The following ARPC5 variants were observed in gnomAD, a reference collection of about 807,000 sequenced individuals.
ARPC5 encodes the protein actin-related protein 2/3 complex subunit 5.
ARPC5 carries 5 observed loss-of-function variants against 15.4 expected under a neutral mutation model. The ratio of observed to expected loss-of-function variants is 0.32; its 90% CI spans 0.17 to 0.68. The LOEUF is 0.68. ARPC5 is among the 30% of genes least tolerant of loss of function. The pLI, the probability that ARPC5 is intolerant of heterozygous loss-of-function variation, is 0.71. For missense variants in ARPC5, 138 were observed against 192.8 expected, an observed-to-expected ratio of 0.72 and a Z score of 1.68; for synonymous variants, 85 against 72.2, an observed-to-expected ratio of 1.18 and a Z score of -0.90.
At position 183,635,740 on chromosome 1, in the gene ARPC5, G is replaced by A. The variant is rs1296132155; in HGVS notation, c.-81C>T. On this transcript the variant is annotated 5_prime_UTR_variant, in exon 1 of 4. Transcript: ENST00000359856. ...GCCCAGCCCAGCAACCCACTACCCGGCGCCTGATTCACTTCCCTCTTCCGC... is the reference window on the plus strand; with the variant it reads ...GCCCAGCCCAGCAACCCACTACCCGACGCCTGATTCACTTCCCTCTTCCGC... 6.5e-7 allele frequency: 1 copy of A among 1,537,354 alleles called. No individual in the cohort carries two copies. Among genetic ancestry groups the A allele is most frequent in the East Asian group, 2.4e-5 (1 of 42,200 alleles).
At chr1:183,632,723 T>C (rs1649302038) in intron 2 of ARPC5, 1 of 166,278 alleles carries the variant, frequency 6.0e-6, no homozygotes, top group African/African-American at 2.4e-5. Flanking sequence ...AATAAGTATT[T>C]AGTATTTGTA....
intron 1 of ARPC5, chr1:183,633,358 T>C (rs1164651091): frequency 4.9e-6 from 2 of 411,066 alleles, no homozygotes; most frequent in African/African-American, 4.2e-5. Context: ...TTTTTTTTAA[T>C]AAAGCAAAGA....
intron 2 of ARPC5, 56 bp from the exon 3 acceptor site, chr1:183,630,693 G>T: frequency 2.7e-6 from 4 of 1,507,424 alleles, no homozygotes; most frequent in Non-Finnish European, 2.7e-6. Flanking sequence ...GGAGGGTTTA[G>T]AATTTCAGAA....
rs778459708 is a variant in ARPC5, at chr1:183,635,526, C to G, written c.134G>C (p.Cys45Ser). 1 of 1,611,694 alleles carries G rather than the reference C, an allele frequency of 6.2e-7. No homozygotes were observed. The highest frequency in any genetic ancestry group is 1.1e-5 in the South Asian group (1 of 90,752). The stretch of plus-strand genomic sequence containing the variant: ...GTGAATGCAAGGATATTGCCGCAGG[C>G]AGGAGTCCACCTCGCCCTCGTCGGG... The part of the protein sequence containing the change: ...AGPDEGEVDS[C>S]LRQGNMTAAL... Residue 45 changes from cysteine to serine, a missense_variant, in exon 1 of 4, where the codon TGC becomes TCC. Around this residue, in one of 3 missense-constraint regions of ARPC5, gnomAD observed 121 missense variants for 153.7 expected, o/e 0.79. Coordinates refer to ENST00000359856, the MANE Select transcript of ARPC5 (RefSeq NM_005717.4).
chr1:183,630,358 A>G lies in ARPC5; in HGVS notation c.393+103T>C, dbSNP rs1302569149. 4.1e-6 allele frequency: 4 copies of G among 971,478 alleles called. No homozygotes were observed. In the South Asian group the frequency reaches 6.5e-5, roughly 16 times the overall value. 60.2% of individuals were successfully genotyped at this position (971,478 alleles called of 1,614,324 possible). A position where few individuals can be genotyped will look rare whatever the true frequency, so the allele number is the denominator to read the frequency against. ...TCATGCATTTTATTTGTAATAACAAAAATGTACAACAAATCAAAATGGTTA... is the reference window on the plus strand; with the variant it reads ...TCATGCATTTTATTTGTAATAACAAGAATGTACAACAAATCAAAATGGTTA... On this transcript the variant is annotated intron_variant, in intron 3 of 3. Transcript: ENST00000359856.
intron 3 of ARPC5, among the ~76,000 whole-genome samples, chr1:183,629,774 T>A (rs1649213690): frequency 6.6e-6 from 1 of 152,198 alleles, no homozygotes; most frequent in Admixed American, 6.5e-5. Context: ...AAGTGTAAAA[T>A]CCATTGGCAT....
At chr1:183,632,974 G>T in intron 2 of ARPC5, 108 bp downstream of exon 2, 1 of 866,832 alleles carries the variant, frequency 1.2e-6, no homozygotes, top group Non-Finnish European at 1.8e-6. Context: ...ACTCTTCTAT[G>T]TCAAAGATAG....
At chr1:183,627,922 C>T (rs1242459772) in intron 3 of ARPC5, among the ~76,000 whole-genome samples, 1 of 151,942 alleles carries the variant, frequency 6.6e-6, no homozygotes, top group Non-Finnish European at 1.5e-5. Context: ...GCCTGTAATC[C>T]CAGCACTTTG....
chr1:183,630,702 A>T (rs994984707), intron 2 of ARPC5, 65 bp from the exon 3 acceptor site: 6 of 1,464,702 alleles, frequency 4.1e-6, no homozygotes, highest in Non-Finnish European at 5.6e-6. Context: ...AGAATTTCAG[A>T]AAGTCTACAC....
Position 183,635,632 on chromosome 1 carries a change from G to A in ARPC5, c.28C>T (p.Arg10Cys). 1 of 1,613,306 alleles carries A rather than the reference G, an allele frequency of 6.2e-7. No homozygotes were observed. Among genetic ancestry groups the A allele is most frequent in the African/African-American group, 1.3e-5 (1 of 75,028 alleles). Residue 10 changes from arginine (R) to cysteine (C), a missense_variant, in exon 1 of 4, where the codon CGC becomes TGC. By Grantham distance (180) the Arg-to-Cys change is radical. This residue lies in a region of ARPC5 where 14 missense variants were observed against 16.2 expected (regional missense o/e 0.87). Coordinates refer to ENST00000359856, the MANE Select transcript of ARPC5 (RefSeq NM_005717.4). MSKNTVSSA[R>C]FRKVDVDEYD... ...TCATCCACGTCCACCTTCCGGAAGCGGGCCGACGACACTGTGTTCTTCGAC... is the reference window on the plus strand; with the variant it reads ...TCATCCACGTCCACCTTCCGGAAGCAGGCCGACGACACTGTGTTCTTCGAC...
At chr1:183,631,091 A>C (rs899484780) in intron 2 of ARPC5, 1 of 154,220 alleles carries the variant, frequency 6.5e-6, no homozygotes, top group African/African-American at 2.4e-5. Context: ...AAGCAGGGAG[A>C]GCAATTAGGA....
At chr1:183,628,858 G>C (rs868001084) in intron 3 of ARPC5, among the ~76,000 whole-genome samples, 4 of 152,294 alleles carry the variant, frequency 2.6e-5, no homozygotes, top group Middle Eastern at 3.4e-3. Flanking sequence ...AGCTAGACTT[G>C]GGAACTTTGA....
Position 183,624,997 on chromosome 1 carries a change from T to C in ARPC5, c.*2535A>G, listed in dbSNP as rs1649053316. 1 of 152,196 alleles carries C rather than the reference T, an allele frequency of 6.6e-6. No homozygotes were observed. Among genetic ancestry groups the C allele is most frequent in the Non-Finnish European group, 1.5e-5 (1 of 68,036 alleles). The allele number at this position is 152,196 out of a possible 1,614,324, so 9.4% of individuals were successfully genotyped here. A position where few individuals can be genotyped will look rare whatever the true frequency, so the allele number is the denominator to read the frequency against. On this transcript the variant is annotated 3_prime_UTR_variant, in exon 4 of 4. Transcript: ENST00000359856. ...AAATATCATCATACTTGTCATCAAG[T>C]ATGACTGTTACCGAAATGGTGCTGT...
At chr1:183,634,692 A>G (rs1649384852) in intron 1 of ARPC5, among the ~76,000 whole-genome samples, 1 of 152,244 alleles carries the variant, frequency 6.6e-6, no homozygotes, top group South Asian at 2.1e-4. Context: ...ATTCTGCTTT[A>G]TACGAATGAC....
At position 183,623,142 on chromosome 1, in the gene ARPC5, G is replaced by A. The variant is rs1044128238; in HGVS notation, c.*4390C>T. 2.4e-6 allele frequency: 1 copy of A among 422,274 alleles called. No individual in the cohort carries two copies. Among genetic ancestry groups the A allele is most frequent in the Admixed American group, 3.6e-5 (1 of 28,052 alleles). 26.2% of individuals were successfully genotyped at this position (422,274 alleles called of 1,614,324 possible). A position where few individuals can be genotyped will look rare whatever the true frequency, so the allele number is the denominator to read the frequency against. Reference sequence around the variant, plus strand: ...CTTGCAGAGCAGGAGCTAACTGCTAGGCTGGAAAATACGGGAGTTTTAGAA... The same window carrying A: ...CTTGCAGAGCAGGAGCTAACTGCTAAGCTGGAAAATACGGGAGTTTTAGAA... On this transcript the variant is annotated 3_prime_UTR_variant, in exon 4 of 4. Transcript: ENST00000359856.
Position 183,635,719 on chromosome 1 carries a change from A to C in ARPC5, c.-60T>G. ...GCGCTGCCTCTACCTCAGCAAGCCC[A>C]GCCCAGCAACCCACTACCCGGCGCC... On this transcript the variant is annotated 5_prime_UTR_variant, in exon 1 of 4. Transcript: ENST00000359856. 6.4e-7 allele frequency: 1 copy of C among 1,573,366 alleles called. No homozygotes were observed.
At chr1:183,633,055 A>T in intron 2 of ARPC5, 27 bp downstream of exon 2, 13 of 1,531,818 alleles carry the variant, frequency 8.5e-6, no homozygotes, top group Non-Finnish European at 1.2e-5. Context: ...ATCAGCAGAG[A>T]TCACTGTGTT....
intron 3 of ARPC5, among the ~76,000 whole-genome samples, chr1:183,629,081 T>A (rs1417192113): frequency 6.6e-6 from 1 of 152,172 alleles, no homozygotes; most frequent in Non-Finnish European, 1.5e-5. Context: ...TGGTAAAAAC[T>A]GGTGACTGAC....
intron 2 of ARPC5, chr1:183,630,917 G>A (rs375793028): frequency 1.3e-5 from 4 of 310,638 alleles, no homozygotes; most frequent in African/African-American, 4.3e-5. Flanking sequence ...AGGACAGATC[G>A]TGTAAGGCCT....
Sources: allele counts gnomAD v4.1 joint callset (sites outside exome capture counted in the v4.1 genomes callset), GRCh38; gene constraint gnomAD v4.1.1; regional missense constraint gnomAD v4.1.1; transcripts MANE v1.5; gene names NCBI Gene and HGNC (gene_info 2026-07-23, HGNC 2026-07-21).